Variants in DPYD observed in about 807,000 individuals in gnomAD.
DPYD encodes the protein dihydropyrimidine dehydrogenase [NADP(+)].
Under a neutral mutation model 116.2 loss-of-function variants are expected in DPYD, and 109 were observed. The ratio of observed to expected loss-of-function variants is 0.94; its 90% CI spans 0.80 to 1.10. The LOEUF is 1.10. Among genes scored for constraint, DPYD ranks in the 50% least tolerant of loss-of-function variants. DPYD has a pLI of 0.00. For synonymous variants in DPYD, 440 were observed against 432.0 expected (o/e 1.02, Z -0.23); for missense variants, 1,302 against 1,254.5 (o/e 1.04, Z -0.57).
chr1:97,405,538 C>T (rs1454308015), intron 14 of DPYD, among the ~76,000 whole-genome samples: 2 of 151,804 alleles, frequency 1.3e-5, no homozygotes, highest in Non-Finnish European at 2.9e-5. Context: ...TTTTTTGAGA[C>T]AGAGTCTCAC....
intron 13 of DPYD, among the ~76,000 whole-genome samples, chr1:97,454,367 T>G (rs1037648493): frequency 3.3e-5 from 5 of 151,898 alleles, no homozygotes; most frequent in Non-Finnish European, 7.4e-5. Context: ...GAGCATGATT[T>G]CATAAGAGAA....
At chr1:97,792,590 T>C (rs1416657285) in intron 3 of DPYD, among the ~76,000 whole-genome samples, 2 of 152,306 alleles carry the variant, frequency 1.3e-5, no homozygotes, top group African/African-American at 2.4e-5. Flanking sequence ...TTCTTAATGC[T>C]AAATACTTTA....
chr1:97,737,046 G>A (rs918062306), intron 4 of DPYD, among the ~76,000 whole-genome samples: 21 of 151,922 alleles, frequency 1.4e-4, no homozygotes, highest in African/African-American at 4.6e-4. Context: ...TCTCCAAACC[G>A]AGTCCCAGGA....
chr1:97,182,940 C>A (rs554771876), intron 20 of DPYD, among the ~76,000 whole-genome samples: 1 of 152,082 alleles, frequency 6.6e-6, no homozygotes, highest in Non-Finnish European at 1.5e-5. Flanking sequence ...ACAAGTTCTT[C>A]ATGAGATACA....
intron 5 of DPYD, among the ~76,000 whole-genome samples, chr1:97,703,908 C>T (rs1447415120): frequency 6.6e-6 from 1 of 151,976 alleles, no homozygotes; most frequent in East Asian, 1.9e-4. Flanking sequence ...AACCTGTTTA[C>T]AAAATTCCTA....
intron 16 of DPYD, among the ~76,000 whole-genome samples, chr1:97,307,009 A>G (rs891479946): frequency 6.6e-6 from 1 of 151,896 alleles, no homozygotes; most frequent in Non-Finnish European, 1.5e-5. Context: ...AGACATTTCC[A>G]TGTGCCTATT....
chr1:97,522,450 T>C (rs1396883688), intron 12 of DPYD, among the ~76,000 whole-genome samples: 1 of 152,114 alleles, frequency 6.6e-6, no homozygotes, highest in African/African-American at 2.4e-5. Flanking sequence ...ATGTCGGGCG[T>C]GGTGGCTCAC....
intron 12 of DPYD, among the ~76,000 whole-genome samples, chr1:97,517,617 CTTAAT>C (rs1203025497): frequency 6.6e-6 from 1 of 152,040 alleles, no homozygotes; most frequent in African/African-American, 2.4e-5. Context: ...CCTCTTTGTA[CTTAAT>C]TTATGAAACC....
intron 20 of DPYD, among the ~76,000 whole-genome samples, chr1:97,178,026 C>A (rs567963454): frequency 5.3e-5 from 8 of 152,064 alleles, no homozygotes; most frequent in African/African-American, 1.9e-4. Context: ...AAAGGCCCCA[C>A]CTCCTAATAG....
At chr1:97,559,027 T>G (rs1208182497) in intron 11 of DPYD, among the ~76,000 whole-genome samples, 3 of 152,200 alleles carry the variant, frequency 2.0e-5, no homozygotes, top group Admixed American at 1.3e-4. Flanking sequence ...GACTGCAAAC[T>G]GCTTGAAGGA....
intron 2 of DPYD, among the ~76,000 whole-genome samples, chr1:97,878,197 G>A (rs1672018257): frequency 6.6e-6 from 1 of 151,730 alleles, no homozygotes; most frequent in Non-Finnish European, 1.5e-5. Flanking sequence ...AAGGAAAAAG[G>A]TGTGTGCCTA....
intron 5 of DPYD, among the ~76,000 whole-genome samples, chr1:97,704,497 A>T (rs1661791511): frequency 6.6e-6 from 1 of 152,082 alleles, no homozygotes; most frequent in African/African-American, 2.4e-5. Flanking sequence ...CAAATTACAA[A>T]ATTTAAAATG....
At chr1:97,253,485 G>C (rs1344674654) in intron 18 of DPYD, among the ~76,000 whole-genome samples, 1 of 152,102 alleles carries the variant, frequency 6.6e-6, no homozygotes, top group African/African-American at 2.4e-5. Context: ...AAAATGAGAA[G>C]TCTTTGTGAG....
Position 97,639,878 on chromosome 1 carries a change from G to A in DPYD, c.850+39217C>T, listed in dbSNP as rs535789361. ...AAACGCATGTGTATGAACAGATGAC[G>A]CAGAACATGCCTATTCAAGACAACA... is the stretch of plus-strand genomic sequence containing the variant. On this transcript the variant is annotated intron_variant, in intron 8 of 22. Coordinates refer to ENST00000370192, the MANE Select transcript of DPYD (RefSeq NM_000110.4). 1.4e-4 allele frequency among the ~76,000 whole-genome samples: 22 copies of A among 152,200 alleles called. No individual in the cohort carries two copies. The South Asian group carries it at 3.3e-3, about 23-fold the overall frequency.
chr1:97,304,042 A>C (rs1203286705), intron 18 of DPYD, among the ~76,000 whole-genome samples: 1 of 152,056 alleles, frequency 6.6e-6, no homozygotes, highest in Non-Finnish European at 1.5e-5. Flanking sequence ...AGCTTAAATG[A>C]GAAAACATGA....
At chr1:97,692,718 G>C (rs1441577745) in intron 6 of DPYD, among the ~76,000 whole-genome samples, 1 of 152,110 alleles carries the variant, frequency 6.6e-6, no homozygotes, top group Non-Finnish European at 1.5e-5. Flanking sequence ...TCTGATCAGG[G>C]AAGGATACAC....
At chr1:97,707,103 A>C (rs1028051583) in intron 5 of DPYD, among the ~76,000 whole-genome samples, 1 of 151,978 alleles carries the variant, frequency 6.6e-6, no homozygotes, top group Non-Finnish European at 1.5e-5. Flanking sequence ...ACTAACCACA[A>C]ATGTTAGAAA....
chr1:97,596,038 T>C (rs577420511), intron 8 of DPYD, among the ~76,000 whole-genome samples: 1 of 151,904 alleles, frequency 6.6e-6, no homozygotes. Context: ...TACTGACACA[T>C]GCAAATAAAG....
intron 13 of DPYD, among the ~76,000 whole-genome samples, chr1:97,498,620 T>C (rs750584157): frequency 2.0e-5 from 3 of 151,744 alleles, no homozygotes; most frequent in South Asian, 2.1e-4. Context: ...TATATATTAA[T>C]GGAAGCCAGC....
Sources: gnomAD v4.1 joint callset for allele counts (sites outside exome capture counted in the v4.1 genomes callset) on GRCh38, gnomAD v4.1.1 for gene constraint, MANE v1.5 for transcripts, NCBI Gene and HGNC (gene_info 2026-07-23, HGNC 2026-07-21) for gene names.